Variants in GYS1 observed in about 807,000 individuals in gnomAD.
GYS1 encodes glycogen [starch] synthase, muscle.
Under a neutral mutation model 89.1 loss-of-function variants are expected in GYS1, and 60 were observed. The observed-to-expected ratio is 0.67, with a 90% CI of 0.55 to 0.84. The LOEUF is 0.84. Ranked by LOEUF, GYS1 falls within the 40% of genes least tolerant of loss-of-function variation. The pLI is 0.00. For synonymous variants in GYS1, 366 were observed against 401.7 expected, an observed-to-expected ratio of 0.91 and a Z score of 1.06; for missense variants, 888 against 1,003.1, an observed-to-expected ratio of 0.89 and a Z score of 1.55.
rs1432620791 is a variant in GYS1 at position 48,986,004 on chromosome 19, A to G, written c.524T>C (p.Val175Ala). The change falls in exon 4 of 16, where the codon GTG becomes GCG. Residue 175 changes from valine to alanine, a missense_variant. Physicochemically the swap from Val to Ala is moderately conservative, Grantham distance 64. Coordinates refer to ENST00000323798, the MANE Select transcript of GYS1 (RefSeq NM_002103.5). ...CAACCACTCATGGAAGTGAGCAACC[A>G]CATGTGGCTTCTCCTCACTCTGTGC... ...FLAQSEEKPHVVAHFHEWLAG... is the reference protein window; with the variant it reads ...FLAQSEEKPHAVAHFHEWLAG... 2 of 1,614,054 alleles carry G rather than the reference A, an allele frequency of 1.2e-6. No homozygotes were observed. The highest frequency in any genetic ancestry group is 1.7e-6 in the Non-Finnish European group (2 of 1,180,034).
chr19:48,989,478 T>C (rs1393593223), intron 2 of GYS1, among the ~76,000 whole-genome samples: 2 of 103,138 alleles, frequency 1.9e-5, no homozygotes, highest in Non-Finnish European at 3.9e-5. Flanking sequence ...TGAGATTCTA[T>C]CTGAAAAAAA....
At chr19:48,971,737 G>A (rs1272356213) in intron 12 of GYS1, among the ~76,000 whole-genome samples, 1 of 151,646 alleles carries the variant, frequency 6.6e-6, no homozygotes, top group Non-Finnish European at 1.5e-5. Context: ...GTATTTTTTA[G>A]TATAGACAGG....
In GYS1 at chr19:48,985,891, G is replaced by A. The variant is rs764668070; in HGVS notation, c.637C>T (p.Leu213=). ...TAGAAGTCCACGGCACCGGCACACA[G>A]GTAGCGCCCCAGCAGCGTGGCATGG... ...TTHATLLGRY[L]CAGAVDFYNN... The change falls in exon 4 of 16, where the codon CTG becomes TTG. Residue 213 remains leucine, a synonymous_variant. Coordinates refer to ENST00000323798, the MANE Select transcript of GYS1 (RefSeq NM_002103.5). 8.1e-6 allele frequency: 13 copies of A among 1,613,890 alleles called. No homozygotes were observed. Among genetic ancestry groups the A allele is most frequent in the Admixed American group, 5.0e-5 (3 of 59,998 alleles).
Position 48,970,444 on chromosome 19 carries a change from A to C in GYS1, c.1809+102T>G, listed in dbSNP as rs764183447. The C allele has an allele frequency of 4.1e-6, 4 of 972,226 alleles. No homozygotes were observed. The African/African-American group carries it at 4.8e-5, about 12-fold the overall frequency. 60.2% of individuals were successfully genotyped at this position (972,226 alleles called of 1,614,324 possible). A position where few individuals can be genotyped will look rare whatever the true frequency, so the allele number is the denominator to read the frequency against. ...GGCCTGGTTCATTGCTTAAAGGGACAGCAACTGTTACAAGTAGGATGAGAC... is the reference window on the plus strand; with the variant it reads ...GGCCTGGTTCATTGCTTAAAGGGACCGCAACTGTTACAAGTAGGATGAGAC... On this transcript the variant is annotated intron_variant, in intron 14 of 15. Coordinates refer to ENST00000323798, the MANE Select transcript of GYS1 (RefSeq NM_002103.5).
At chr19:48,988,485 A>G (rs185083613) in intron 2 of GYS1, among the ~76,000 whole-genome samples, 453 of 152,106 alleles carry the variant, frequency 3.0e-3, no homozygotes, top group Non-Finnish European at 3.7e-3. Context: ...TGCCAGGCTG[A>G]TTTTTTAATT....
In GYS1 at chr19:48,968,803, GAA is replaced by G. The variant is rs1374723211; in HGVS notation, c.*483_*484del. 1.1e-5 allele frequency: 5 copies of G among 455,328 alleles called. No homozygotes were observed. Among genetic ancestry groups the G allele is most frequent in the Admixed American group, 2.3e-5 (1 of 42,584 alleles). The allele number at this position is 455,328 out of a possible 1,614,324, so 28.2% of individuals were successfully genotyped here. On this transcript the variant is annotated 3_prime_UTR_variant, in exon 16 of 16. Transcript: ENST00000323798. ...CTGCTCTCAGTTACCTTCAAACTCT[GAA>G]AGTGCCCCGGCTCTGGACTTGATCG...
intron 3 of GYS1, 78 bp from the exon 4 acceptor site, chr19:48,986,113 C>G: frequency 7.4e-7 from 1 of 1,344,616 alleles, no homozygotes; most frequent in East Asian, 2.4e-5. Context: ...GGGACAAGGA[C>G]TCGGGGAGAG....
rs540476746 is a variant in GYS1, at chr19:48,984,107, T to C, written c.824-1270A>G. 9.9e-5 allele frequency among the ~76,000 whole-genome samples: 15 copies of C among 152,212 alleles called. No homozygotes were observed. The East Asian group carries it at 1.9e-3, about 20-fold the overall frequency. On this transcript the variant is annotated intron_variant, in intron 5 of 15. Coordinates refer to ENST00000323798, the MANE Select transcript of GYS1 (RefSeq NM_002103.5). ...TCTGCCTCCTGGGTTCAAGAGATTC[T>C]CCTGCCTCAGCCTCCCGAGTAGCTG...
At chr19:48,983,816 T>TACA (rs1333442817) in intron 5 of GYS1, among the ~76,000 whole-genome samples, 1 of 152,172 alleles carries the variant, frequency 6.6e-6, no homozygotes, top group Non-Finnish European at 1.5e-5. Context: ...ATTACAGAAT[T>TACA]TTATCATATC....
rs1384197441 is a variant in GYS1 at position 48,968,920 on chromosome 19, T to C, written c.*368A>G. ...GGCCTGCTCTGTATGCTGTAGAATT[T>C]GTAAGCCACACGGGGGGCTCTAAAA... On this transcript the variant is annotated 3_prime_UTR_variant, in exon 16 of 16. Transcript: ENST00000323798. 4 of 499,650 alleles carry C rather than the reference T, an allele frequency of 8.0e-6. No individual in the cohort carries two copies. The highest frequency in any genetic ancestry group is 1.6e-5 in the Non-Finnish European group (4 of 257,380). The allele number at this position is 499,650 out of a possible 1,614,324, so 31.0% of individuals were successfully genotyped here. A position where few individuals can be genotyped will look rare whatever the true frequency, so the allele number is the denominator to read the frequency against.
At chr19:48,970,168 G>C (rs766413823) in intron 14 of GYS1, 5 of 484,276 alleles carry the variant, frequency 1.0e-5, no homozygotes, top group South Asian at 8.7e-5. Flanking sequence ...TGTTACTCTA[G>C]GATGGAGTGC....
At chr19:48,990,013 G>GGGGA (rs1025387466) in intron 2 of GYS1, among the ~76,000 whole-genome samples, 1 of 148,690 alleles carries the variant, frequency 6.7e-6, no homozygotes, top group Admixed American at 6.7e-5. Flanking sequence ...GGGGGGGGGG[G>GGGGA]CTATTCTTAG....
chr19:48,976,505 C>G (rs186784894), intron 10 of GYS1, among the ~76,000 whole-genome samples: 20 of 152,206 alleles, frequency 1.3e-4, no homozygotes, highest in African/African-American at 2.9e-4. Context: ...AAAGCAGCTA[C>G]AATTCCCAGG....
At position 48,969,163 on chromosome 19, in the gene GYS1, T is replaced by G; in HGVS notation, c.*125A>C. The G allele has an allele frequency of 2.4e-6, 2 of 816,464 alleles. No individual in the cohort carries two copies. The highest frequency in any genetic ancestry group is 3.8e-6 in the Non-Finnish European group (2 of 525,912). The allele number at this position is 816,464 out of a possible 1,614,324, so 50.6% of individuals were successfully genotyped here. ...GGAGGGGGTGGAGTGTTTGGCGGACTGGGTGGGGGCACTGCGGGGCCACAC... is the reference window on the plus strand; with the variant it reads ...GGAGGGGGTGGAGTGTTTGGCGGACGGGGTGGGGGCACTGCGGGGCCACAC... On this transcript the variant is annotated 3_prime_UTR_variant, in exon 16 of 16. Transcript: ENST00000323798.
Position 48,993,259 on chromosome 19 carries a change from C to T in GYS1, c.-147G>A. On this transcript the variant is annotated 5_prime_UTR_variant, in exon 1 of 16. It adds an upstream start codon to the 5' untranslated region. Coordinates refer to ENST00000323798, the MANE Select transcript of GYS1 (RefSeq NM_002103.5). ...CTCGGCTTCCTATTGCAAGACCGCA[C>T]CCCTGCCCCGAAGCGTTGGGACCTA... The T allele has an allele frequency of 1.3e-6, 1 of 744,064 alleles. No homozygotes were observed. Among genetic ancestry groups the T allele is most frequent in the Non-Finnish European group, 2.5e-6 (1 of 407,344 alleles). 46.1% of individuals were successfully genotyped at this position (744,064 alleles called of 1,614,324 possible). A position where few individuals can be genotyped will look rare whatever the true frequency, so the allele number is the denominator to read the frequency against.
intron 11 of GYS1, 45 bp downstream of exon 11, chr19:48,974,575 C>T: frequency 7.5e-7 from 1 of 1,328,434 alleles, no homozygotes; most frequent in Non-Finnish European, 1.1e-6. Flanking sequence ...GACCCAACCC[C>T]TTCCCTCTGC....
At chr19:48,970,345 C>T (rs143236254) in intron 14 of GYS1, 9 of 590,852 alleles carry the variant, frequency 1.5e-5, no homozygotes, top group African/African-American at 7.5e-5. Flanking sequence ...TCTCTTAACT[C>T]CTGAGCTCAT....
rs994882983 is a variant in GYS1, at chr19:48,969,437, G to A, written c.2065C>T (p.Arg689Cys). The change falls in exon 16 of 16, where the codon CGT becomes TGT. Residue 689 changes from arginine (R) to cysteine (C), a missense_variant. By Grantham distance (180) the Arg-to-Cys change is radical. Coordinates refer to ENST00000323798, the MANE Select transcript of GYS1 (RefSeq NM_002103.5). ...EEAAKDRRNIRAPEWPRRASC... is the reference protein window; with the variant it reads ...EEAAKDRRNICAPEWPRRASC... The stretch of plus-strand genomic sequence containing the variant: ...GCTCGGCGCGGCCACTCTGGTGCAC[G>A]GATGTTGCGCCGGTCCTTGGCGGCC... The A allele has an allele frequency of 1.2e-5, 18 of 1,545,550 alleles. No homozygotes were observed. In the Admixed American group the frequency reaches 1.6e-4, roughly 13 times the overall value.
rs949375300 is a variant in GYS1 at position 48,969,116 on chromosome 19, C to T, written c.*172G>A. 1 of 646,758 alleles carries T rather than the reference C, an allele frequency of 1.5e-6. No individual in the cohort carries two copies. Among genetic ancestry groups the T allele is most frequent in the Admixed American group, 2.7e-5 (1 of 37,092 alleles). 40.1% of individuals were successfully genotyped at this position (646,758 alleles called of 1,614,324 possible). A position where few individuals can be genotyped will look rare whatever the true frequency, so the allele number is the denominator to read the frequency against. The stretch of plus-strand genomic sequence containing the variant: ...GCACGGCTTTGTGGATTCTGGAGTG[C>T]AGGAACTTGGAAACTGGAGCTGGAG... On this transcript the variant is annotated 3_prime_UTR_variant, in exon 16 of 16. Coordinates refer to ENST00000323798, the MANE Select transcript of GYS1 (RefSeq NM_002103.5).
Sources: gnomAD v4.1 joint callset for allele counts (sites outside exome capture counted in the v4.1 genomes callset) on GRCh38, gnomAD v4.1.1 for gene constraint, MANE v1.5 for transcripts, NCBI Gene and HGNC (gene_info 2026-07-23, HGNC 2026-07-21) for gene names.